The following SREK1IP1 variants were observed in gnomAD, a reference collection of about 807,000 sequenced individuals.
SREK1IP1 encodes the protein SREK1 interacting protein 1, also known as protein SREK1IP1.
In SREK1IP1, 12 loss-of-function variants were observed where a neutral mutation model predicts 22.8. The ratio of observed to expected loss-of-function variants is 0.53; its 90% CI spans 0.34 to 0.85. SREK1IP1 has a LOEUF of 0.85. SREK1IP1 is among the 40% of genes least tolerant of loss of function. The pLI is 0.02. For missense variants in SREK1IP1, 147 were observed against 171.8 expected, an observed-to-expected ratio of 0.86 and a Z score of 0.81; for synonymous variants, 53 against 52.7, an observed-to-expected ratio of 1.01 and a Z score of -0.02.
rs1435080948 is a variant in SREK1IP1, at chr5:64,768,511, C to T, written c.7G>A (p.Val3Ile). MA[V>I]PGCNKDSVRA... ...CCCTGTAATTGCTCCTTACCTGGGA[C>T]TGCCATGACGGTGGTAAGAGGGGTA... The change falls in exon 1 of 5, where the codon GTC becomes ATC. Residue 3 changes from valine (V) to isoleucine (I), a missense_variant. Physicochemically the swap from Val to Ile is conservative, Grantham distance 29. Around this residue, in one of 3 missense-constraint regions of SREK1IP1, gnomAD observed 62 missense variants for 73.3 expected, o/e 0.85. Coordinates refer to ENST00000513458, the MANE Select transcript of SREK1IP1 (RefSeq NM_173829.4). 6.2e-7 allele frequency: 1 copy of T among 1,614,186 alleles called. No homozygotes were observed. The highest frequency in any genetic ancestry group is 1.7e-5 in the Admixed American group (1 of 60,024).
At chr5:64,755,506 A>G (rs1742822514) in intron 1 of SREK1IP1, among the ~76,000 whole-genome samples, 1 of 152,154 alleles carries the variant, frequency 6.6e-6, no homozygotes, top group Non-Finnish European at 1.5e-5. Flanking sequence ...GAGCTGAAAC[A>G]TTGGGTACTC....
Position 64,755,259 on chromosome 5 carries a change from C to T in SREK1IP1, c.14-897G>A, listed in dbSNP as rs1303794339. ...TCATTTTACCAAAAAGAAACATGCACTCACATCTTCATTGCAGCATTATTT... is the reference window on the plus strand; with the variant it reads ...TCATTTTACCAAAAAGAAACATGCATTCACATCTTCATTGCAGCATTATTT... On this transcript the variant is annotated intron_variant, in intron 1 of 4. Coordinates refer to ENST00000513458, the MANE Select transcript of SREK1IP1 (RefSeq NM_173829.4). 2.0e-5 allele frequency among the ~76,000 whole-genome samples: 3 copies of T among 151,586 alleles called. No homozygotes were observed. In the East Asian group the frequency reaches 5.8e-4, roughly 29 times the overall value.
intron 2 of SREK1IP1, among the ~76,000 whole-genome samples, chr5:64,742,036 T>C (rs1742560642): frequency 6.6e-6 from 1 of 151,854 alleles, no homozygotes; most frequent in Non-Finnish European, 1.5e-5. Flanking sequence ...TTGGTCTCTA[T>C]CATTCCCAAA....
chr5:64,741,102 C>T lies in SREK1IP1; in HGVS notation c.160G>A (p.Glu54Lys), dbSNP rs1314369617. The T allele has an allele frequency of 6.2e-7, 1 of 1,612,794 alleles. No individual in the cohort carries two copies. Among genetic ancestry groups the T allele is most frequent in the East Asian group, 2.2e-5 (1 of 44,820 alleles). The change falls in exon 3 of 5, where the codon GAA becomes AAA. Residue 54 changes from glutamate (E) to lysine (K), a missense_variant. By Grantham distance (56) the Glu-to-Lys change is moderately conservative. Transcript: ENST00000513458. ...AATTTATTCAGTTCTTCATTCTCTT[C>T]ATCGCTATCTTCACTACTTGTACTG... ...VSSTSSEDSDEENEELNKLQA... is the reference protein window; with the variant it reads ...VSSTSSEDSDKENEELNKLQA...
intron 2 of SREK1IP1, among the ~76,000 whole-genome samples, chr5:64,743,150 A>G (rs1395788461): frequency 6.6e-6 from 1 of 152,204 alleles, no homozygotes; most frequent in Non-Finnish European, 1.5e-5. Context: ...TATACTGCAT[A>G]ATGGTGTTTA....
In SREK1IP1 at chr5:64,722,573, A is replaced by C. The variant is rs1197927422; in HGVS notation, c.*1811T>G. The C allele has an allele frequency of 6.6e-5, 10 of 152,344 alleles. No homozygotes were observed. The highest frequency in any genetic ancestry group is 1.3e-4 in the Non-Finnish European group (9 of 68,036). 9.4% of individuals were successfully genotyped at this position (152,344 alleles called of 1,614,324 possible). On this transcript the variant is annotated 3_prime_UTR_variant, in exon 5 of 5. Transcript: ENST00000513458. ...TTTTTAAAAAAGCTTTATATTAAAA[A>C]CCGATTTTTAAAATCTTGATAATCG... is the stretch of plus-strand genomic sequence containing the variant.
intron 2 of SREK1IP1, among the ~76,000 whole-genome samples, chr5:64,749,816 A>C (rs1432186868): frequency 6.6e-6 from 1 of 152,016 alleles, no homozygotes; most frequent in Non-Finnish European, 1.5e-5. Flanking sequence ...CCCCTTTCCT[A>C]GTCTTTTTCG....
At chr5:64,728,456 G>C (rs763922944) in intron 3 of SREK1IP1, among the ~76,000 whole-genome samples, 7 of 152,168 alleles carry the variant, frequency 4.6e-5, no homozygotes, top group Non-Finnish European at 8.8e-5. Context: ...CCAGTGGTTT[G>C]ATGGGTATTG....
chr5:64,740,898 A>G (rs1336396949), intron 3 of SREK1IP1, among the ~76,000 whole-genome samples, 159 bp downstream of exon 3: 4 of 152,174 alleles, frequency 2.6e-5, no homozygotes, highest in Non-Finnish European at 5.9e-5. Context: ...TAGCTGTTCA[A>G]TCTTAGGCAA....
intron 4 of SREK1IP1, 41 bp from the exon 5 acceptor site, chr5:64,724,614 G>T: frequency 1.4e-6 from 2 of 1,386,240 alleles, no homozygotes; most frequent in South Asian, 3.6e-5. Context: ...TTGCATTTAT[G>T]ACTGATAGAT....
intron 2 of SREK1IP1, among the ~76,000 whole-genome samples, chr5:64,750,012 C>T (rs879694877): frequency 1.3e-5 from 2 of 152,158 alleles, no homozygotes; most frequent in African/African-American, 4.8e-5. Flanking sequence ...CCACTCAGCT[C>T]CCTGCTGCAG....
chr5:64,730,767 A>C (rs1363789509), intron 3 of SREK1IP1, among the ~76,000 whole-genome samples: 1 of 152,172 alleles, frequency 6.6e-6, no homozygotes, highest in Non-Finnish European at 1.5e-5. Flanking sequence ...GCAAGCTGAG[A>C]TTAGGGATCA....
chr5:64,759,503 T>C (rs1160150106), intron 1 of SREK1IP1, among the ~76,000 whole-genome samples: 6 of 152,038 alleles, frequency 3.9e-5, no homozygotes, highest in South Asian at 4.1e-4. Flanking sequence ...AGGCATTATA[T>C]AAAAACTTAT....
At chr5:64,743,635 A>G (rs7712760) in intron 2 of SREK1IP1, among the ~76,000 whole-genome samples, 69,118 of 151,944 alleles carry the variant, frequency 0.45, 19,276 homozygotes, top group African/African-American at 0.78. Flanking sequence ...AGCTGTAGAC[A>G]TCTCTGTGGG....
rs79185161 is a variant in SREK1IP1, at chr5:64,719,885, A to G, written c.*4499T>C. On this transcript the variant is annotated 3_prime_UTR_variant, in exon 5 of 5. Coordinates refer to ENST00000513458, the MANE Select transcript of SREK1IP1 (RefSeq NM_173829.4). The stretch of plus-strand genomic sequence containing the variant: ...ATTGTCACACTGGTATAAGAAACCT[A>G]CTGTTCTTGGGCACCCAATGTCCAG... The G allele has an allele frequency of 3.3e-5, 5 of 152,326 alleles. No homozygotes were observed. The East Asian group carries it at 7.7e-4, about 23-fold the overall frequency. 9.4% of individuals were successfully genotyped at this position (152,326 alleles called of 1,614,324 possible). A position where few individuals can be genotyped will look rare whatever the true frequency, so the allele number is the denominator to read the frequency against.
intron 1 of SREK1IP1, among the ~76,000 whole-genome samples, chr5:64,758,650 T>C (rs1360563334): frequency 6.6e-6 from 1 of 152,326 alleles, no homozygotes; most frequent in South Asian, 2.1e-4. Flanking sequence ...AAATGCATCA[T>C]TACTATTACT....
intron 1 of SREK1IP1, among the ~76,000 whole-genome samples, chr5:64,757,893 G>A (rs868575767): frequency 1.8e-4 from 17 of 96,548 alleles, no homozygotes; most frequent in Middle Eastern, 0.016. Context: ...TTTTTGAGAC[G>A]GAGTCTGCCT....
intron 1 of SREK1IP1, 151 bp from the exon 2 acceptor site, chr5:64,754,513 A>G: frequency 1.5e-6 from 1 of 666,666 alleles, no homozygotes; most frequent in Non-Finnish European, 2.6e-6. Context: ...CACCAAGGCT[A>G]GAGTACACTG....
At chr5:64,752,620 TA>T (rs993766834) in intron 2 of SREK1IP1, among the ~76,000 whole-genome samples, 1 of 152,222 alleles carries the variant, frequency 6.6e-6, no homozygotes, top group African/African-American at 2.4e-5. Flanking sequence ...TGAAATTCTT[TA>T]AATTGTACAA....
Sources: allele counts gnomAD v4.1 joint callset (sites outside exome capture counted in the v4.1 genomes callset), GRCh38; gene constraint gnomAD v4.1.1; regional missense constraint gnomAD v4.1.1; transcripts MANE v1.5; gene names NCBI Gene and HGNC (gene_info 2026-07-23, HGNC 2026-07-21).